The following FAT3 variants were observed in gnomAD, a reference collection of about 807,000 sequenced individuals.
FAT3 encodes protocadherin Fat 3.
A neutral mutation model predicts 310.2 loss-of-function variants in FAT3; 95 were observed. That is an observed-to-expected ratio of 0.31 (90% CI 0.26 to 0.36). FAT3 has a LOEUF of 0.36. FAT3 is among the 10% of genes least tolerant of loss of function. The pLI is 1.00. For missense variants in FAT3, 5,408 were observed against 5,715.6 expected, an observed-to-expected ratio of 0.95 and a Z score of 1.74; for synonymous variants, 2,314 against 2,192.9, an observed-to-expected ratio of 1.06 and a Z score of -1.54.
chr11:92,316,431 C>T (rs1032722553), intron 1 of FAT3, among the ~76,000 whole-genome samples: 2 of 152,108 alleles, frequency 1.3e-5, no homozygotes, highest in East Asian at 1.9e-4. Flanking sequence ...AACTAATCTA[C>T]GAGTCTGTTT....
intron 2 of FAT3, among the ~76,000 whole-genome samples, chr11:92,377,311 A>T (rs931548981): frequency 6.6e-6 from 1 of 152,318 alleles, no homozygotes; most frequent in African/African-American, 2.4e-5. Context: ...TCATTTTTCA[A>T]ATGAGGATAC....
intron 4 of FAT3, among the ~76,000 whole-genome samples, chr11:92,709,113 C>T (rs1437665109): frequency 6.6e-6 from 1 of 152,198 alleles, no homozygotes; most frequent in Non-Finnish European, 1.5e-5. Flanking sequence ...TAACTAATTT[C>T]CCCCGGCCAG....
At chr11:92,359,272 C>A (rs1948815100) in intron 2 of FAT3, among the ~76,000 whole-genome samples, 1 of 152,094 alleles carries the variant, frequency 6.6e-6, no homozygotes, top group Non-Finnish European at 1.5e-5. Flanking sequence ...GATACTTGAG[C>A]TCATGTCTTA....
chr11:92,259,993 G>T (rs557486907), intron 1 of FAT3, among the ~76,000 whole-genome samples: 1 of 152,132 alleles, frequency 6.6e-6, no homozygotes, highest in East Asian at 1.9e-4. Context: ...ACTTACCAGG[G>T]AGAGGATCTA....
chr11:92,399,181 A>C lies in FAT3; in HGVS notation c.3292+43777A>C, dbSNP rs1949953971. 2.6e-5 allele frequency among the ~76,000 whole-genome samples: 4 copies of C among 152,196 alleles called. 1 individual carries two copies. The South Asian group carries it at 8.3e-4, about 32-fold the overall frequency. On this transcript the variant is annotated intron_variant, in intron 2 of 27. Transcript: ENST00000525166. ...GATGTAAATAGTTTATGAGTTCTCC[A>C]GCCTTTTAATGTAAGACTAAGAGTT...
intron 2 of FAT3, among the ~76,000 whole-genome samples, chr11:92,494,467 G>GTA (rs1447173609): frequency 6.6e-6 from 1 of 152,008 alleles, no homozygotes; most frequent in Non-Finnish European, 1.5e-5. Flanking sequence ...CATTGTCTGA[G>GTA]TACACTGTAG....
At chr11:92,879,843 G>A (rs749557646) in intron 22 of FAT3, among the ~76,000 whole-genome samples, 4 of 152,106 alleles carry the variant, frequency 2.6e-5, no homozygotes, top group South Asian at 2.1e-4. Context: ...AGGTTGCTTC[G>A]GAGGAAGTGT....
At chr11:92,503,676 T>G (rs1249202865) in intron 2 of FAT3, among the ~76,000 whole-genome samples, 1 of 152,154 alleles carries the variant, frequency 6.6e-6, no homozygotes, top group Non-Finnish European at 1.5e-5. Flanking sequence ...AATTGCTATT[T>G]ATTCTCATTA....
intron 1 of FAT3, among the ~76,000 whole-genome samples, chr11:92,264,839 C>T (rs1286256014): frequency 2.0e-5 from 3 of 152,056 alleles, no homozygotes; most frequent in Non-Finnish European, 2.9e-5. Flanking sequence ...AGAGATAAGA[C>T]ACCTTTCCTA....
At position 92,534,591 on chromosome 11, in the gene FAT3, C is replaced by G. The variant is rs72974426; in HGVS notation, c.3607+9643C>G. Among the ~76,000 whole-genome samples the G allele has an allele frequency of 5.6e-3, 847 of 152,198 alleles. 2 individuals are homozygous for G. Among genetic ancestry groups the G allele is most frequent in the Non-Finnish European group, 8.5e-3 (580 of 68,008 alleles). On this transcript the variant is annotated intron_variant, in intron 3 of 27. Transcript: ENST00000525166. ...TGTGACCTTATTTGGTAAGGAAGAT[C>G]TTTGTAGATGTTACCAAGTTAAAAT...
chr11:92,324,962 A>T (rs529179035), intron 1 of FAT3, among the ~76,000 whole-genome samples: 4 of 152,344 alleles, frequency 2.6e-5, no homozygotes, highest in African/African-American at 7.2e-5. Context: ...TTGAGGATGG[A>T]TTCTAGCAGA....
chr11:92,756,452 G>A (rs902256237), intron 4 of FAT3, among the ~76,000 whole-genome samples: 6 of 152,122 alleles, frequency 3.9e-5, no homozygotes, highest in East Asian at 3.8e-4. Flanking sequence ...ACAGGGGAGG[G>A]GGATATGTAA....
intron 2 of FAT3, among the ~76,000 whole-genome samples, chr11:92,481,149 T>C (rs1263122308): frequency 1.3e-5 from 2 of 152,200 alleles, no homozygotes; most frequent in Non-Finnish European, 2.9e-5. Flanking sequence ...CATATGTGAG[T>C]ATGCATTGCA....
intron 6 of FAT3, among the ~76,000 whole-genome samples, chr11:92,769,997 A>G (rs1946419538): frequency 6.6e-6 from 1 of 152,202 alleles, no homozygotes; most frequent in Non-Finnish European, 1.5e-5. Context: ...GGTCTTCCCT[A>G]ATCAGGTGGC....
At chr11:92,845,665 C>A (rs1208782285) in intron 19 of FAT3, among the ~76,000 whole-genome samples, 1 of 152,228 alleles carries the variant, frequency 6.6e-6, no homozygotes, top group Non-Finnish European at 1.5e-5. Flanking sequence ...CATAAATTCA[C>A]TGCCCCCTTC....
rs771926205 is a variant in FAT3 at position 92,800,692 on chromosome 11, G to T, written c.7679G>T (p.Arg2560Leu). The T allele has an allele frequency of 3.7e-6, 6 of 1,613,770 alleles. No homozygotes were observed. Among genetic ancestry groups the T allele is most frequent in the Non-Finnish European group, 5.1e-6 (6 of 1,179,808 alleles). ...GQVITTERLD[R>L]ENPLEGDVSI... Reference sequence around the variant, plus strand: ...GTCATCACCACAGAAAGGCTAGACCGGGAAAACCCTCTAGAAGGGGATGTT... The same window carrying T: ...GTCATCACCACAGAAAGGCTAGACCTGGAAAACCCTCTAGAAGGGGATGTT... The change falls in exon 10 of 28, where the codon CGG (arginine) becomes CTG (leucine). Residue 2560 changes from arginine to leucine, a missense_variant. Around this residue, in one of 5 missense-constraint regions of FAT3, gnomAD observed 4,588 missense variants for 4,809.8 expected, o/e 0.95. Coordinates refer to ENST00000525166, the MANE Select transcript of FAT3 (RefSeq NM_001367949.2).
intron 9 of FAT3, among the ~76,000 whole-genome samples, chr11:92,795,482 T>A (rs1261848441): frequency 1.3e-5 from 2 of 151,772 alleles, no homozygotes; most frequent in Non-Finnish European, 2.9e-5. Context: ...AAGCAGGAAG[T>A]GGATTCCAAG....
intron 24 of FAT3, among the ~76,000 whole-genome samples, chr11:92,885,721 G>A (rs1405642619): frequency 2.0e-5 from 3 of 152,194 alleles, no homozygotes; most frequent in Admixed American, 2.0e-4. Context: ...GGAGAAAGGA[G>A]TTTTATGCTC....
intron 3 of FAT3, among the ~76,000 whole-genome samples, chr11:92,662,439 A>G (rs1021451674): frequency 3.9e-5 from 6 of 152,220 alleles, no homozygotes; most frequent in African/African-American, 1.4e-4. Flanking sequence ...AAAATGGCTC[A>G]GAGGTTGAGC....
Sources: gnomAD v4.1 joint callset for allele counts (sites outside exome capture counted in the v4.1 genomes callset) on GRCh38, gnomAD v4.1.1 for gene constraint, gnomAD v4.1.1 regional missense constraint, MANE v1.5 for transcripts, NCBI Gene and HGNC (gene_info 2026-07-23, HGNC 2026-07-21) for gene names.